NAALADL2: variants seen among roughly 807,000 people sequenced by gnomAD.
NAALADL2 encodes the protein inactive N-acetylated-alpha-linked acidic dipeptidase-like protein 2.
A neutral mutation model predicts 87.2 loss-of-function variants in NAALADL2; 76 were observed. The ratio of observed to expected loss-of-function variants is 0.87; its 90% CI spans 0.72 to 1.05. The LOEUF is 1.05. Ranked by LOEUF, NAALADL2 falls within the 50% of genes least tolerant of loss-of-function variation. NAALADL2 has a pLI of 0.00. For synonymous variants in NAALADL2, 354 were observed against 331.0 expected, an observed-to-expected ratio of 1.07 and a Z score of -0.75; for missense variants, 1,089 against 945.8, an observed-to-expected ratio of 1.15 and a Z score of -1.99.
At chr3:175,074,400 A>G (rs1716210621) in intron 1 of NAALADL2, among the ~76,000 whole-genome samples, 1 of 152,128 alleles carries the variant, frequency 6.6e-6, no homozygotes, top group African/African-American at 2.4e-5. Context: ...GCTGGTAAAT[A>G]TAAGACGTTA....
chr3:174,807,946 T>A (rs955442554), intron 3 of NAALADL2, among the ~76,000 whole-genome samples: 11 of 151,724 alleles, frequency 7.3e-5, no homozygotes, highest in Non-Finnish European at 1.5e-4. Flanking sequence ...AAAGCCCAAA[T>A]TAAGTTACTA....
At chr3:174,804,034 C>T (rs1300882193) in intron 3 of NAALADL2, among the ~76,000 whole-genome samples, 1 of 152,146 alleles carries the variant, frequency 6.6e-6, no homozygotes, top group Non-Finnish European at 1.5e-5. Flanking sequence ...ATGGGGATAG[C>T]ATTGAGTCTA....
intron 5 of NAALADL2, among the ~76,000 whole-genome samples, chr3:175,436,149 T>C (rs1287697411): frequency 6.9e-6 from 1 of 145,912 alleles, no homozygotes; most frequent in African/African-American, 2.6e-5. Flanking sequence ...TGATTTCCAA[T>C]TTCATCCATG....
At chr3:175,111,354 A>G (rs1426366521) in intron 2 of NAALADL2, among the ~76,000 whole-genome samples, 3 of 151,630 alleles carry the variant, frequency 2.0e-5, no homozygotes. Flanking sequence ...TAAGCTGTAC[A>G]CTCAGTGTTT....
intron 5 of NAALADL2, among the ~76,000 whole-genome samples, chr3:175,433,218 A>G (rs950876259): frequency 6.6e-6 from 1 of 152,010 alleles, no homozygotes; most frequent in African/African-American, 2.4e-5. Context: ...TTTCTTTTCC[A>G]GTAACATCCC....
chr3:174,953,540 G>A (rs917725028), intron 1 of NAALADL2, among the ~76,000 whole-genome samples: 3 of 151,794 alleles, frequency 2.0e-5, no homozygotes, highest in Non-Finnish European at 2.9e-5. Context: ...GGAAGTCATT[G>A]TTGCCTCCTT....
intron 5 of NAALADL2, among the ~76,000 whole-genome samples, chr3:175,379,566 C>G (rs1341136537): frequency 1.3e-5 from 2 of 151,156 alleles, no homozygotes; most frequent in African/African-American, 4.9e-5. Context: ...TGGAGTCTCA[C>G]TCTGTCACCC....
intron 1 of NAALADL2, among the ~76,000 whole-genome samples, chr3:175,034,451 A>T (rs745504526): frequency 1.8e-4 from 28 of 152,102 alleles, no homozygotes; most frequent in Non-Finnish European, 3.2e-4. Context: ...GCCTGTTATC[A>T]TCTCAAATTA....
At chr3:175,037,580 A>G (rs4894692) in intron 1 of NAALADL2, among the ~76,000 whole-genome samples, 52 of 152,254 alleles carry the variant, frequency 3.4e-4, no homozygotes, top group Admixed American at 2.0e-3. Flanking sequence ...CCAGAGCTCC[A>G]TGGCAGAGTG....
intron 9 of NAALADL2, among the ~76,000 whole-genome samples, chr3:175,474,682 C>T (rs1725400628): frequency 6.6e-6 from 1 of 152,018 alleles, no homozygotes; most frequent in Non-Finnish European, 1.5e-5. Context: ...CAGCATCACA[C>T]AACTGCTGCT....
At chr3:175,112,347 G>A (rs576089083) in intron 2 of NAALADL2, among the ~76,000 whole-genome samples, 7 of 151,542 alleles carry the variant, frequency 4.6e-5, no homozygotes, top group African/African-American at 1.7e-4. Flanking sequence ...CATATTCCAA[G>A]TATTTTCCTG....
chr3:175,506,589 T>A (rs1215346892), intron 9 of NAALADL2, among the ~76,000 whole-genome samples: 1 of 152,250 alleles, frequency 6.6e-6, no homozygotes, highest in East Asian at 1.9e-4. Flanking sequence ...TCAGTCACAC[T>A]TCACTGGACT....
chr3:174,574,204 G>A (rs73042640), intron 2 of NAALADL2, among the ~76,000 whole-genome samples: 23 of 151,776 alleles, frequency 1.5e-4, no homozygotes, highest in Admixed American at 3.9e-4. Context: ...TTCTAAACAC[G>A]CTTTTAAAAG....
chr3:175,421,804 T>C (rs1028482847), intron 5 of NAALADL2, among the ~76,000 whole-genome samples: 1 of 152,206 alleles, frequency 6.6e-6, no homozygotes, highest in Middle Eastern at 3.4e-3. Context: ...TATGCTACTT[T>C]TGTTGCATTA....
rs570893681 is a variant in NAALADL2 at position 175,486,845 on chromosome 3, T to A, written c.1653+15087T>A. Among the ~76,000 whole-genome samples the A allele has an allele frequency of 2.0e-3, 308 of 152,284 alleles. 1 individual carries two copies. The highest frequency in any genetic ancestry group is 7.1e-3 in the African/African-American group (296 of 41,566). ...TCCTCTCTTTATCTCATACCACTTG[T>A]ACATTTCAGTGGGAAGTCCTATTGG... On this transcript the variant is annotated intron_variant, in intron 9 of 13. Transcript: ENST00000454872.
chr3:174,929,216 T>C (rs1348642007), intron 1 of NAALADL2, among the ~76,000 whole-genome samples: 1 of 152,210 alleles, frequency 6.6e-6, no homozygotes, highest in African/African-American at 2.4e-5. Context: ...AGAGCGGGGC[T>C]CTGTGTTTGT....
chr3:175,412,802 A>G (rs549283915), intron 5 of NAALADL2, among the ~76,000 whole-genome samples: 62 of 151,302 alleles, frequency 4.1e-4, no homozygotes, highest in Middle Eastern at 3.4e-3. Context: ...CATTTCTGAA[A>G]TTATCCATCT....
At chr3:175,560,327 TCTTA>T (rs1320049891) in intron 9 of NAALADL2, among the ~76,000 whole-genome samples, 2 of 152,178 alleles carry the variant, frequency 1.3e-5, no homozygotes, top group African/African-American at 4.8e-5. Flanking sequence ...TCTCATTTTT[TCTTA>T]CTTAATCTGG....
chr3:175,145,145 TC>T (rs1186703016), intron 2 of NAALADL2, among the ~76,000 whole-genome samples: 1 of 151,978 alleles, frequency 6.6e-6, no homozygotes, highest in East Asian at 1.9e-4. Flanking sequence ...TTTTCCTTAG[TC>T]CCCTTATTCT....
Sources: gnomAD v4.1 joint callset for allele counts (sites outside exome capture counted in the v4.1 genomes callset) on GRCh38, gnomAD v4.1.1 for gene constraint, MANE v1.5 for transcripts, NCBI Gene and HGNC (gene_info 2026-07-23, HGNC 2026-07-21) for gene names.